TECPR2: variants seen among roughly 807,000 people sequenced by gnomAD.
The protein encoded by TECPR2 is tectonin beta-propeller repeat containing 2.
TECPR2 carries 65 observed loss-of-function variants against 138.1 expected under a neutral mutation model. That is an observed-to-expected ratio of 0.47 (90% CI 0.39 to 0.58). TECPR2 has a LOEUF of 0.58. TECPR2 is among the 20% of genes least tolerant of loss of function. TECPR2 has a pLI of 0.00. For synonymous variants in TECPR2, 746 were observed against 749.8 expected (o/e 0.99, Z 0.08); for missense variants, 1,553 against 1,824.5 (o/e 0.85, Z 2.71).
rs1489075897 is a variant in TECPR2, at chr14:102,398,089, AAAG to A, written c.220-9246_220-9244del. Among the ~76,000 whole-genome samples, 72 of 143,026 alleles carry A rather than the reference AAAG, an allele frequency of 5.0e-4. 1 individual carries two copies. The East Asian group carries it at 0.014, about 28-fold the overall frequency. 93.8% of individuals were successfully genotyped at this position (143,026 alleles called of 152,430 possible). A position where few individuals can be genotyped will look rare whatever the true frequency, so the allele number is the denominator to read the frequency against. ...TTCTGTCTCAAAAAAAAAAAAAAAA[AAAG>A]AAAAAAGAAAGAAAAGAAAAAGGAA... On this transcript the variant is annotated intron_variant, in intron 2 of 19. Transcript: ENST00000359520.
At chr14:102,470,256 G>A (rs1383640717) in intron 17 of TECPR2, among the ~76,000 whole-genome samples, 2 of 151,258 alleles carry the variant, frequency 1.3e-5, no homozygotes, top group Non-Finnish European at 1.5e-5. Context: ...TTTGTGGGAA[G>A]TTTTTTTGAC....
chr14:102,429,828 T>C (rs945934547), intron 7 of TECPR2, among the ~76,000 whole-genome samples: 1 of 152,196 alleles, frequency 6.6e-6, no homozygotes, highest in African/African-American at 2.4e-5. Flanking sequence ...CTGCTGCCCA[T>C]AGAGCTTTCT....
chr14:102,447,596 G>A (rs991183384), intron 13 of TECPR2, among the ~76,000 whole-genome samples: 16 of 151,882 alleles, frequency 1.1e-4, no homozygotes, highest in African/African-American at 3.6e-4. Context: ...GTACAATGGC[G>A]CAATCTCGGC....
intron 10 of TECPR2, 113 bp from the exon 11 acceptor site, chr14:102,440,323 G>C: frequency 7.0e-7 from 1 of 1,432,404 alleles, no homozygotes; most frequent in Non-Finnish European, 9.5e-7. Flanking sequence ...TGGGGGGACA[G>C]AACAGGATGT....
chr14:102,451,773 T>G (rs900428760), intron 15 of TECPR2, among the ~76,000 whole-genome samples: 25 of 152,246 alleles, frequency 1.6e-4, no homozygotes, highest in Admixed American at 1.1e-3. Flanking sequence ...TAAGGATTAT[T>G]TGCATTTTAA....
At chr14:102,385,145 C>T (rs1050229832) in intron 2 of TECPR2, among the ~76,000 whole-genome samples, 35 of 152,196 alleles carry the variant, frequency 2.3e-4, no homozygotes, top group Non-Finnish European at 3.1e-4. Flanking sequence ...GCATGAGCCA[C>T]GGCACCCGGC....
intron 4 of TECPR2, among the ~76,000 whole-genome samples, chr14:102,410,698 C>T (rs552928894): frequency 7.9e-5 from 12 of 152,278 alleles, no homozygotes; most frequent in African/African-American, 2.6e-4. Context: ...GACTGTGCCC[C>T]CCCTCAAAAA....
At chr14:102,410,778 A>G (rs929790912) in intron 4 of TECPR2, among the ~76,000 whole-genome samples, 36 of 151,508 alleles carry the variant, frequency 2.4e-4, no homozygotes, top group Non-Finnish European at 3.7e-4. Context: ...ACTAACTCAT[A>G]CATGCCCTGC....
At chr14:102,448,031 T>C (rs1001145501) in intron 13 of TECPR2, among the ~76,000 whole-genome samples, 11 of 152,224 alleles carry the variant, frequency 7.2e-5, no homozygotes, top group African/African-American at 2.7e-4. Flanking sequence ...TGTATCTAAT[T>C]TATATACTAG....
intron 17 of TECPR2, among the ~76,000 whole-genome samples, chr14:102,472,178 A>G (rs972744840): frequency 2.0e-5 from 3 of 152,238 alleles, no homozygotes; most frequent in Non-Finnish European, 4.4e-5. Context: ...TGCCGATCTC[A>G]GTCCTCAGTG....
chr14:102,468,002 A>G (rs1378922424), intron 17 of TECPR2, among the ~76,000 whole-genome samples: 2 of 143,894 alleles, frequency 1.4e-5, no homozygotes, highest in African/African-American at 5.2e-5. Context: ...ACGCCTGGCT[A>G]TTTTTTTTTT....
At chr14:102,450,411 T>C (rs970322362) in intron 14 of TECPR2, 149 bp from the exon 15 acceptor site, 10 of 731,320 alleles carry the variant, frequency 1.4e-5, no homozygotes, top group Middle Eastern at 4.8e-4. Flanking sequence ...AATGTTAGGC[T>C]GTGATTGCTC....
chr14:102,371,795 G>GTGT (rs941531935), intron 1 of TECPR2, among the ~76,000 whole-genome samples: 3 of 152,140 alleles, frequency 2.0e-5, no homozygotes, highest in African/African-American at 7.2e-5. Context: ...TCCATACAGT[G>GTGT]TGTTCTCTGC....
rs565236204 is a variant in TECPR2, at chr14:102,428,222, G to GTTTTTTTT, written c.952-13_952-6dup. On this transcript the variant is annotated intron_variant, in intron 6 of 19. Transcript: ENST00000359520. ...ACCGTTGTTTAGTTTTGTGTTTTTT[G>GTTTTTTTT]TTTTTTTTTTTTTTTTTTTTTTGAC... 2.9e-3 allele frequency: 3,038 copies of GTTTTTTTT among 1,057,762 alleles called. 128 individuals are homozygous for GTTTTTTTT. Among genetic ancestry groups the GTTTTTTTT allele is most frequent in the South Asian group, 9.7e-3 (501 of 51,570 alleles). 65.5% of individuals were successfully genotyped at this position (1,057,762 alleles called of 1,614,324 possible). A position where few individuals can be genotyped will look rare whatever the true frequency, so the allele number is the denominator to read the frequency against.
In TECPR2 at chr14:102,441,016, G is replaced by A. The variant is rs748050934; in HGVS notation, c.2752+407G>A. On this transcript the variant is annotated intron_variant, in intron 11 of 19. Coordinates refer to ENST00000359520, the MANE Select transcript of TECPR2 (RefSeq NM_014844.5). ...TTTTTTTTCAGCCATATCAAAGCCC[G>A]GCTCCTATATACTTACTTACCCGTG... 5.3e-5 allele frequency among the ~76,000 whole-genome samples: 8 copies of A among 151,674 alleles called. No individual in the cohort carries two copies. The East Asian group carries it at 1.2e-3, about 22-fold the overall frequency.
rs373897694 is a variant in TECPR2, at chr14:102,455,865, C to T, written c.3640+3238C>T. Among the ~76,000 whole-genome samples the T allele has an allele frequency of 6.0e-4, 91 of 152,256 alleles. 2 individuals are homozygous for T. Among genetic ancestry groups the T allele is most frequent in the African/African-American group, 2.1e-3 (88 of 41,546 alleles). ...TGACCTCAGGTGGTCCGCCTGCCTCCGCCTCCCAAAGTGCTGGGATTACAG... is the reference window on the plus strand; with the variant it reads ...TGACCTCAGGTGGTCCGCCTGCCTCTGCCTCCCAAAGTGCTGGGATTACAG... On this transcript the variant is annotated intron_variant, in intron 16 of 19. Transcript: ENST00000359520.
In TECPR2 at chr14:102,443,930, C is replaced by G; in HGVS notation, c.2933+103C>G. The stretch of plus-strand genomic sequence containing the variant: ...CCATGAGGCCGTTCCTGGGAGGCAG[C>G]ACCTGCAGCCTCCATGGCTATAGGC... On this transcript the variant is annotated intron_variant, in intron 12 of 19. Coordinates refer to ENST00000359520, the MANE Select transcript of TECPR2 (RefSeq NM_014844.5). The surrounding 1 kb of genome is among the most constrained non-coding windows in gnomAD (Gnocchi z 4.9). 8.8e-7 allele frequency: 1 copy of G among 1,140,104 alleles called. No individual in the cohort carries two copies. Among genetic ancestry groups the G allele is most frequent in the Non-Finnish European group, 1.2e-6 (1 of 834,424 alleles). 70.6% of individuals were successfully genotyped at this position (1,140,104 alleles called of 1,614,324 possible).
chr14:102,490,479 C>T (rs191599128), intron 17 of TECPR2, among the ~76,000 whole-genome samples: 343 of 152,346 alleles, frequency 2.3e-3, no homozygotes, highest in Non-Finnish European at 3.5e-3. Flanking sequence ...AAGCAACCCC[C>T]GAGTTTGCCA....
intron 2 of TECPR2, among the ~76,000 whole-genome samples, chr14:102,386,421 G>T (rs1399970761): frequency 1.3e-5 from 2 of 152,150 alleles, no homozygotes; most frequent in African/African-American, 4.8e-5. Flanking sequence ...AGTGAGTAGA[G>T]ATTGCGCCAC....
Sources: gnomAD v4.1 joint callset for allele counts (sites outside exome capture counted in the v4.1 genomes callset) on GRCh38, gnomAD v4.1.1 for gene constraint, Gnocchi (gnomAD v3.1) non-coding constraint, MANE v1.5 for transcripts, NCBI Gene and HGNC (gene_info 2026-07-23, HGNC 2026-07-21) for gene names.